Variants in LRRC4B observed in about 807,000 individuals in gnomAD.
The protein encoded by LRRC4B is leucine-rich repeat-containing protein 4B.
In LRRC4B, 1 loss-of-function variant was observed where a neutral mutation model predicts 7.3. The observed-to-expected ratio is 0.14, with a 90% CI of 0.05 to 0.65. The LOEUF (loss-of-function observed/expected upper bound fraction) is 0.65, where lower values mean the gene tolerates loss of function less well. Ranked by LOEUF, LRRC4B falls within the 30% of genes least tolerant of loss-of-function variation. The probability of loss-of-function intolerance (pLI) is 0.84; values close to 1 mark genes in which losing one functional copy is unlikely to be tolerated. For synonymous variants in LRRC4B, 500 were observed against 499.2 expected (o/e 1.00, Z -0.02); for missense variants, 730 against 1,041.6 (o/e 0.70, Z 4.12).
intron 2 of LRRC4B, among the ~76,000 whole-genome samples, chr19:50,535,232 G>C (rs1981228552): frequency 6.6e-6 from 1 of 150,594 alleles, no homozygotes. Flanking sequence ...GAGTGCAGTG[G>C]CATGATTTCA....
rs952889390 is a variant in LRRC4B at position 50,553,406 on chromosome 19, G to A, written c.-35-4533C>T. On this transcript the variant is annotated intron_variant, in intron 1 of 2. Transcript: ENST00000652263. This position sits in a 1 kb window ranked among gnomAD's most constrained non-coding sequence, Gnocchi z 4.2. ...CCCCAGCTCCTCCTCTGACCTCATC[G>A]CTTCCCTCCTCCCCCTGCTCACTCG... Among the ~76,000 whole-genome samples the A allele has an allele frequency of 2.6e-5, 4 of 152,134 alleles. No individual in the cohort carries two copies. The highest frequency in any genetic ancestry group is 5.9e-5 in the Non-Finnish European group (4 of 68,018).
intron 2 of LRRC4B, among the ~76,000 whole-genome samples, chr19:50,533,220 A>G (rs889684155): frequency 6.6e-6 from 1 of 152,020 alleles, no homozygotes; most frequent in African/African-American, 2.4e-5. Flanking sequence ...TGTGCTTTTT[A>G]ATTGTCCTGA....
chr19:50,552,253 G>T (rs369165461), intron 1 of LRRC4B, among the ~76,000 whole-genome samples: 1 of 140,846 alleles, frequency 7.1e-6, no homozygotes, highest in Non-Finnish European at 1.5e-5. Flanking sequence ...CTTGCCCAGC[G>T]TTTTCCTGCA....
chr19:50,519,556 G>A lies in LRRC4B; in HGVS notation c.298-141C>T. 7.1e-7 allele frequency: 1 copy of A among 1,416,152 alleles called. No homozygotes were observed. The highest frequency in any genetic ancestry group is 1.5e-5 in the South Asian group (1 of 66,106). 87.7% of individuals were successfully genotyped at this position (1,416,152 alleles called of 1,614,324 possible). On this transcript the variant is annotated intron_variant, in intron 2 of 2. Coordinates refer to ENST00000652263, the MANE Select transcript of LRRC4B (RefSeq NM_001080457.2). This position sits in a 1 kb window ranked among gnomAD's most constrained non-coding sequence, Gnocchi z 8.1. ...GACGGTACGACCTATATTGCAACAT[G>A]GTTTGATGAGTTTCTTATAAAGTTA...
intron 2 of LRRC4B, among the ~76,000 whole-genome samples, chr19:50,538,401 A>C (rs1165560000): frequency 6.6e-6 from 1 of 152,014 alleles, no homozygotes; most frequent in African/African-American, 2.4e-5. Flanking sequence ...CTAACTGGGA[A>C]AAGTCTGTCC....
In LRRC4B at chr19:50,553,806, T is replaced by C. The variant is rs1366513219; in HGVS notation, c.-35-4933A>G. Among the ~76,000 whole-genome samples the C allele has an allele frequency of 8.6e-5, 13 of 152,000 alleles. No homozygotes were observed. The highest frequency in any genetic ancestry group is 3.1e-4 in the African/African-American group (13 of 41,352). ...ACCAAACACTGGGTGCAGGGACGGA[T>C]GGGTACGTTATCATCACTGTGAGTC... On this transcript the variant is annotated intron_variant, in intron 1 of 2. Coordinates refer to ENST00000652263, the MANE Select transcript of LRRC4B (RefSeq NM_001080457.2). This position sits in a 1 kb window ranked among gnomAD's most constrained non-coding sequence, Gnocchi z 4.2.
chr19:50,548,520 T>A lies in LRRC4B; in HGVS notation c.297+22A>T. On this transcript the variant is annotated intron_variant, in intron 2 of 2. Coordinates refer to ENST00000652263, the MANE Select transcript of LRRC4B (RefSeq NM_001080457.2). The surrounding 1 kb of genome is among the most constrained non-coding windows in gnomAD (Gnocchi z 6.8). ...CCCAGTGTCCCCTCCAAGGTCCCCCTCTGCCCGCTGGCCCCGCATACCTGG... is the reference window on the plus strand; with the variant it reads ...CCCAGTGTCCCCTCCAAGGTCCCCCACTGCCCGCTGGCCCCGCATACCTGG... 3.8e-6 allele frequency: 6 copies of A among 1,576,410 alleles called. No individual in the cohort carries two copies. The highest frequency in any genetic ancestry group is 5.1e-6 in the Non-Finnish European group (6 of 1,168,580).
chr19:50,548,806 C>G lies in LRRC4B; in HGVS notation c.33G>C (p.Pro11=). 1 of 1,370,588 alleles carries G rather than the reference C, an allele frequency of 7.3e-7. No homozygotes were observed. Among genetic ancestry groups the G allele is most frequent in the Non-Finnish European group, 9.5e-7 (1 of 1,051,266 alleles). 84.9% of individuals were successfully genotyped at this position (1,370,588 alleles called of 1,614,324 possible). The change falls in exon 2 of 3, where the codon CCG becomes CCC. Residue 11 remains proline, a synonymous_variant. Transcript: ENST00000652263. This position sits in a 1 kb window ranked among gnomAD's most constrained non-coding sequence, Gnocchi z 6.8. The part of the protein sequence containing the change: MARARGSPCP[P]LPPGRMSWPH... ...GCCAGGACATCCTACCGGGCGGCAG[C>G]GGGGGGCACGGGGAGCCGCGGGCAC...
intron 1 of LRRC4B, 122 bp downstream of exon 1, chr19:50,567,822 C>G (rs1416106948): frequency 1.5e-5 from 2 of 130,672 alleles, no homozygotes; most frequent in Admixed American, 7.5e-5. Flanking sequence ...CTCTGCCATC[C>G]CCCCCCATCC....
chr19:50,520,836 GA>G (rs939482299), intron 2 of LRRC4B, among the ~76,000 whole-genome samples: 5 of 151,806 alleles, frequency 3.3e-5, no homozygotes, highest in Non-Finnish European at 7.4e-5. Flanking sequence ...AAAAACTTTT[GA>G]AAAAAAAGTT....
At position 50,517,294 on chromosome 19, in the gene LRRC4B, G is replaced by T. The variant is rs1980308144; in HGVS notation, c.*277C>A. The stretch of plus-strand genomic sequence containing the variant: ...TGGGAGAGCGAGGAGGAAACGCGGA[G>T]AACTCAGGCCACTTCTCCTGGGTCC... On this transcript the variant is annotated 3_prime_UTR_variant, in exon 3 of 3. Coordinates refer to ENST00000652263, the MANE Select transcript of LRRC4B (RefSeq NM_001080457.2). The surrounding 1 kb of genome is among the most constrained non-coding windows in gnomAD (Gnocchi z 6.6). 3.1e-6 allele frequency: 1 copy of T among 325,256 alleles called. No homozygotes were observed. The highest frequency in any genetic ancestry group is 5.6e-6 in the Non-Finnish European group (1 of 178,412). The allele number at this position is 325,256 out of a possible 1,614,324, so 20.1% of individuals were successfully genotyped here. A position where few individuals can be genotyped will look rare whatever the true frequency, so the allele number is the denominator to read the frequency against.
chr19:50,538,814 C>G (rs1008902619), intron 2 of LRRC4B, among the ~76,000 whole-genome samples: 1 of 151,816 alleles, frequency 6.6e-6, no homozygotes, highest in Non-Finnish European at 1.5e-5. Flanking sequence ...AGCGATCCAC[C>G]TGCCTTGGCC....
In LRRC4B at chr19:50,519,469, G is replaced by A; in HGVS notation, c.298-54C>T. The A allele has an allele frequency of 1.3e-6, 2 of 1,483,372 alleles. No homozygotes were observed. The highest frequency in any genetic ancestry group is 1.8e-6 in the Non-Finnish European group (2 of 1,119,596). 91.9% of individuals were successfully genotyped at this position (1,483,372 alleles called of 1,614,324 possible). A position where few individuals can be genotyped will look rare whatever the true frequency, so the allele number is the denominator to read the frequency against. On this transcript the variant is annotated intron_variant, in intron 2 of 2. Coordinates refer to ENST00000652263, the MANE Select transcript of LRRC4B (RefSeq NM_001080457.2). The surrounding 1 kb of genome is among the most constrained non-coding windows in gnomAD (Gnocchi z 8.1). ...CGGAGATACTGACGGGGACCGTGGG[G>A]GGATCACCAAGGTCCCGGGCGCAGG...
rs754429378 is a variant in LRRC4B, at chr19:50,517,988, G to A, written c.1725C>T (p.Thr575=). Residue 575 remains threonine (T), a synonymous_variant, in exon 3 of 3, where the codon ACC becomes ACT. Coordinates refer to ENST00000652263, the MANE Select transcript of LRRC4B (RefSeq NM_001080457.2). The surrounding 1 kb of genome is among the most constrained non-coding windows in gnomAD (Gnocchi z 6.6). ...CCACGAAGCAGCCGATGATGATTTT[G>A]GTGGTCTTCATGACGTCGTCCAGGT... ...LKDLDDVMKT[T]KIIIGCFVAI... 12 of 1,539,684 alleles carry A rather than the reference G, an allele frequency of 7.8e-6. No homozygotes were observed. The highest frequency in any genetic ancestry group is 1.0e-5 in the Non-Finnish European group (12 of 1,145,878).
intron 2 of LRRC4B, among the ~76,000 whole-genome samples, chr19:50,529,204 T>C (rs1980946296): frequency 6.6e-6 from 1 of 152,098 alleles, no homozygotes; most frequent in Non-Finnish European, 1.5e-5. Context: ...CTCATATCAA[T>C]GCGTTAGGAG....
chr19:50,546,014 G>C (rs942295481), intron 2 of LRRC4B, among the ~76,000 whole-genome samples: 1 of 150,970 alleles, frequency 6.6e-6, no homozygotes, highest in African/African-American at 2.4e-5. Context: ...ATGAGTCACC[G>C]CGCCAGGCTA....
rs772874155 is a variant in LRRC4B, at chr19:50,548,803, C to T, written c.36G>A (p.Leu12=). ...ARARGSPCPP[L]PPGRMSWPHG... ...GGGGCCAGGACATCCTACCGGGCGG[C>T]AGCGGGGGGCACGGGGAGCCGCGGG... is the stretch of plus-strand genomic sequence containing the variant. Residue 12 remains leucine (L), a synonymous_variant, in exon 2 of 3, where the codon CTG becomes CTA. Transcript: ENST00000652263. The surrounding 1 kb of genome is among the most constrained non-coding windows in gnomAD (Gnocchi z 6.8). 4 of 1,510,556 alleles carry T rather than the reference C, an allele frequency of 2.6e-6. No individual in the cohort carries two copies. Among genetic ancestry groups the T allele is most frequent in the Admixed American group, 2.1e-5 (1 of 47,630 alleles). The allele number at this position is 1,510,556 out of a possible 1,614,324, so 93.6% of individuals were successfully genotyped here.
intron 2 of LRRC4B, among the ~76,000 whole-genome samples, chr19:50,536,435 G>A (rs556267221): frequency 4.6e-5 from 7 of 152,136 alleles, no homozygotes; most frequent in Non-Finnish European, 1.0e-4. Context: ...GCCCGGATGA[G>A]ACTTGCCGAC....
At chr19:50,520,866 C>T (rs935982220) in intron 2 of LRRC4B, among the ~76,000 whole-genome samples, 1 of 152,158 alleles carries the variant, frequency 6.6e-6, no homozygotes, top group Non-Finnish European at 1.5e-5. Context: ...AGTGGCCATC[C>T]GACCCGGCTG....
Sources: allele counts gnomAD v4.1 joint callset (sites outside exome capture counted in the v4.1 genomes callset), GRCh38; gene constraint gnomAD v4.1.1; non-coding constraint Gnocchi (gnomAD v3.1); transcripts MANE v1.5; gene names NCBI Gene and HGNC (gene_info 2026-07-23, HGNC 2026-07-21).